Variants in SLC12A8 observed in about 807,000 individuals in gnomAD.
The protein encoded by SLC12A8 is cation-chloride cotransporter 9.
In SLC12A8, 69 loss-of-function variants were observed where a neutral mutation model predicts 75.6. The observed-to-expected ratio is 0.91, with a 90% CI of 0.75 to 1.11. The LOEUF (loss-of-function observed/expected upper bound fraction) is 1.11. SLC12A8 is among the 50% of genes most tolerant of loss of function. The pLI is 0.00. For synonymous variants in SLC12A8, 365 were observed against 372.8 expected, an observed-to-expected ratio of 0.98 and a Z score of 0.24; for missense variants, 877 against 896.7, an observed-to-expected ratio of 0.98 and a Z score of 0.28.
chr3:125,124,803 G>A (rs2942813), intron 6 of SLC12A8, among the ~76,000 whole-genome samples: 19,149 of 152,194 alleles, frequency 0.13, 1,538 homozygotes, highest in Admixed American at 0.17. Context: ...TCTGTGTTAA[G>A]TGTCACAGAA....
At chr3:125,115,320 G>A (rs1027650603) in intron 8 of SLC12A8, among the ~76,000 whole-genome samples, 5 of 152,008 alleles carry the variant, frequency 3.3e-5, no homozygotes, top group African/African-American at 9.7e-5. Flanking sequence ...TCAGGAGTTC[G>A]AGACCAGCCT....
intron 5 of SLC12A8, among the ~76,000 whole-genome samples, chr3:125,175,306 T>C (rs1934496119): frequency 6.6e-6 from 1 of 152,220 alleles, no homozygotes; most frequent in Non-Finnish European, 1.5e-5. Context: ...TAAATTCATT[T>C]TGAAGGTTTA....
At chr3:125,100,500 C>G (rs193123282) in intron 10 of SLC12A8, among the ~76,000 whole-genome samples, 1 of 151,684 alleles carries the variant, frequency 6.6e-6, no homozygotes, top group East Asian at 2.0e-4. Context: ...CTCCACCTCC[C>G]AGGTTCAAGT....
At chr3:125,084,399 C>A (rs1938407634) in intron 13 of SLC12A8, among the ~76,000 whole-genome samples, 1 of 150,072 alleles carries the variant, frequency 6.7e-6, no homozygotes. Context: ...TTTTTTTTGT[C>A]AAAAATAATG....
intron 5 of SLC12A8, among the ~76,000 whole-genome samples, chr3:125,170,653 G>A (rs1247147347): frequency 1.3e-5 from 2 of 152,238 alleles, no homozygotes; most frequent in Non-Finnish European, 1.5e-5. Context: ...GGTGGCTCAC[G>A]CCTGTAATCC....
intron 2 of SLC12A8, among the ~76,000 whole-genome samples, chr3:125,195,465 C>A (rs1425265999): frequency 6.6e-6 from 1 of 152,158 alleles, no homozygotes; most frequent in Non-Finnish European, 1.5e-5. Flanking sequence ...CTGGGCAGCA[C>A]CCTTGGTCTG....
At chr3:125,096,780 C>A (rs900187112) in intron 10 of SLC12A8, among the ~76,000 whole-genome samples, 4 of 152,078 alleles carry the variant, frequency 2.6e-5, no homozygotes, top group African/African-American at 9.7e-5. Flanking sequence ...ATAAATAATT[C>A]TGTTATGATT....
chr3:125,166,917 A>C (rs1003387103), intron 5 of SLC12A8, among the ~76,000 whole-genome samples: 1 of 152,222 alleles, frequency 6.6e-6, no homozygotes, highest in Non-Finnish European at 1.5e-5. Flanking sequence ...TGGTAGAAAA[A>C]TAAAAACACA....
At chr3:125,085,314 T>C (rs1938429596) in intron 13 of SLC12A8, among the ~76,000 whole-genome samples, 1 of 152,218 alleles carries the variant, frequency 6.6e-6, no homozygotes, top group Non-Finnish European at 1.5e-5. Flanking sequence ...TAGTCTAGAA[T>C]GACTTTCAAA....
At chr3:125,192,087 G>T (rs780356464) in intron 2 of SLC12A8, among the ~76,000 whole-genome samples, 15 of 152,050 alleles carry the variant, frequency 9.9e-5, no homozygotes, top group Non-Finnish European at 1.8e-4. Flanking sequence ...TTCAGGATGG[G>T]TCCCAACTTC....
intron 5 of SLC12A8, among the ~76,000 whole-genome samples, chr3:125,173,532 A>G (rs1390799605): frequency 6.6e-6 from 1 of 151,316 alleles, no homozygotes; most frequent in African/African-American, 2.4e-5. Flanking sequence ...CTCAATCTGG[A>G]TCATAGACCT....
rs867908278 is a variant in SLC12A8 at position 125,087,966 on chromosome 3, G to A, written c.1982+344C>T. 1.7e-4 allele frequency: 36 copies of A among 217,970 alleles called. 1 individual carries two copies. In the Middle Eastern group the frequency reaches 8.1e-3, roughly 49 times the overall value. 13.5% of individuals were successfully genotyped at this position (217,970 alleles called of 1,614,324 possible). A position where few individuals can be genotyped will look rare whatever the true frequency, so the allele number is the denominator to read the frequency against. On this transcript the variant is annotated intron_variant, in intron 13 of 13. Coordinates refer to ENST00000469902, the MANE Select transcript of SLC12A8 (RefSeq NM_024628.6). Reference sequence around the variant, plus strand: ...TTTCCCTTGGGCTTTAATCTTGTGTGTGATTATGCATTGATGTGAATGTGT... The same window carrying A: ...TTTCCCTTGGGCTTTAATCTTGTGTATGATTATGCATTGATGTGAATGTGT...
At chr3:125,209,184 C>T (rs761655554) in intron 2 of SLC12A8, among the ~76,000 whole-genome samples, 10 of 152,182 alleles carry the variant, frequency 6.6e-5, no homozygotes, top group East Asian at 1.9e-4. Flanking sequence ...TCTGTTCCCA[C>T]GCAGAGGTCC....
chr3:125,115,568 G>C (rs995079764), intron 8 of SLC12A8, among the ~76,000 whole-genome samples: 1 of 151,826 alleles, frequency 6.6e-6, no homozygotes, highest in African/African-American at 2.4e-5. Context: ...GCTTCTTAGA[G>C]AAACTGTGAG....
chr3:125,120,821 C>T (rs1007963884), intron 6 of SLC12A8, 135 bp from the exon 7 acceptor site: 7 of 728,630 alleles, frequency 9.6e-6, no homozygotes, highest in Admixed American at 2.0e-5. Context: ...TGCAGCTCTG[C>T]GCATAGGCTG....
intron 6 of SLC12A8, among the ~76,000 whole-genome samples, chr3:125,131,479 C>T (rs1236590081): frequency 2.0e-5 from 3 of 152,114 alleles, no homozygotes; most frequent in Non-Finnish European, 4.4e-5. Context: ...CTCTGCCTCC[C>T]AGGTTCAAGT....
At chr3:125,162,794 G>C (rs1425963090) in intron 5 of SLC12A8, among the ~76,000 whole-genome samples, 1 of 152,164 alleles carries the variant, frequency 6.6e-6, no homozygotes, top group Non-Finnish European at 1.5e-5. Context: ...ACATAATGGT[G>C]ATTCACAAAG....
At chr3:125,115,787 C>A (rs925848459) in intron 8 of SLC12A8, among the ~76,000 whole-genome samples, 1 of 151,514 alleles carries the variant, frequency 6.6e-6, no homozygotes, top group South Asian at 2.1e-4. Flanking sequence ...ATGTCAGAGA[C>A]CCACCCTGTC....
Position 125,177,737 on chromosome 3 carries a change from G to T in SLC12A8, c.622+6C>A, listed in dbSNP as rs765976629. The stretch of plus-strand genomic sequence containing the variant: ...AAGGCCACATACTGGACTCTGAAAG[G>T]CTTACCTGGGTCCAGGTGGGTGAAA... On this transcript the variant is annotated splice_donor_region_variant and intron_variant, in intron 5 of 13. Coordinates refer to ENST00000469902, the MANE Select transcript of SLC12A8 (RefSeq NM_024628.6). The T allele has an allele frequency of 8.7e-6, 14 of 1,611,592 alleles. No individual in the cohort carries two copies. In the South Asian group the frequency reaches 1.4e-4, roughly 16 times the overall value.
Sources: allele counts gnomAD v4.1 joint callset (sites outside exome capture counted in the v4.1 genomes callset), GRCh38; gene constraint gnomAD v4.1.1; transcripts MANE v1.5; gene names NCBI Gene and HGNC (gene_info 2026-07-23, HGNC 2026-07-21).